The following ENTREP2 variants were observed in gnomAD, a reference collection of about 807,000 sequenced individuals.
ENTREP2 encodes protein ENTREP2.
the ENTREP2 span, among the ~76,000 whole-genome samples, chr15:29,574,821 T>C: frequency 6.6e-6 from 1 of 152,194 alleles, no homozygotes; most frequent in South Asian, 2.1e-4. Flanking sequence ...AGAGTTGTGC[T>C]TGGATCTCAC....
chr15:29,466,882 A>G, the ENTREP2 span, among the ~76,000 whole-genome samples: 1,366 of 66,730 alleles, frequency 0.02, 75 homozygotes, highest in African/African-American at 0.061. Flanking sequence ...GCCCCCAGGG[A>G]AGGGCCCAGG....
the ENTREP2 span, among the ~76,000 whole-genome samples, chr15:29,173,200 C>T: frequency 2.0e-5 from 3 of 152,248 alleles, no homozygotes; most frequent in Middle Eastern, 3.4e-3. Flanking sequence ...CAGGAATGGG[C>T]GGGGCAGGGT....
the ENTREP2 span, among the ~76,000 whole-genome samples, chr15:29,525,110 G>A: frequency 6.6e-6 from 1 of 152,334 alleles, no homozygotes; most frequent in Non-Finnish European, 1.5e-5. Context: ...CTAGGCTTAG[G>A]AATTCTTAGT....
chr15:29,356,945 G>A, the ENTREP2 span, among the ~76,000 whole-genome samples: 3 of 152,156 alleles, frequency 2.0e-5, no homozygotes, highest in East Asian at 5.8e-4. Context: ...GGAGGGAAGA[G>A]AAAGCTGGGG....
At chr15:29,362,920 T>C in the ENTREP2 span, among the ~76,000 whole-genome samples, 5 of 152,340 alleles carry the variant, frequency 3.3e-5, no homozygotes, top group African/African-American at 9.6e-5. Context: ...CAGTCTCGTT[T>C]TTCTGGTTAG....
chr15:29,136,588 G>C, the ENTREP2 span: 1 of 1,425,330 alleles, frequency 7.0e-7, no homozygotes, highest in Non-Finnish European at 9.3e-7. Flanking sequence ...AGCAGGGGCG[G>C]CCAGGGCTTC....
chr15:29,562,793 TTTTG>T, the ENTREP2 span, among the ~76,000 whole-genome samples: 4 of 32,942 alleles, frequency 1.2e-4, no homozygotes, highest in African/African-American at 3.2e-4. Context: ...TTGTATTTGT[TTTTG>T]TTTTTGTTTT....
the ENTREP2 span, among the ~76,000 whole-genome samples, chr15:29,558,847 T>C: frequency 1.3e-5 from 2 of 151,034 alleles, no homozygotes; most frequent in African/African-American, 4.9e-5. Context: ...AAATACATTT[T>C]CTCTTCCCTA....
chr15:29,121,739 T>C, the ENTREP2 span: 2 of 152,270 alleles, frequency 1.3e-5, no homozygotes, highest in East Asian at 1.9e-4. Context: ...GCCTGGCTTA[T>C]GTGTTTTCAG....
chr15:29,253,412 C>T, the ENTREP2 span, among the ~76,000 whole-genome samples: 3,563 of 151,672 alleles, frequency 0.023, 60 homozygotes, highest in Non-Finnish European at 0.033. Context: ...AGAGGTTTGG[C>T]CAAATTCAGA....
At chr15:29,509,545 C>G in the ENTREP2 span, among the ~76,000 whole-genome samples, 194 of 152,026 alleles carry the variant, frequency 1.3e-3, no homozygotes, top group Non-Finnish European at 2.1e-3. Context: ...GGTACTGGTA[C>G]CAAAACAGAC....
the ENTREP2 span, among the ~76,000 whole-genome samples, chr15:29,357,699 C>T: frequency 1.3e-5 from 2 of 151,912 alleles, no homozygotes; most frequent in Admixed American, 6.6e-5. Flanking sequence ...ATTAGCCGGG[C>T]GTGGTGGCGG....
the ENTREP2 span, among the ~76,000 whole-genome samples, chr15:29,642,354 A>T: frequency 6.6e-6 from 1 of 151,724 alleles, no homozygotes; most frequent in African/African-American, 2.4e-5. Context: ...TATTCAACTG[A>T]TTTTCATTAA....
chr15:29,640,569 G>A, the ENTREP2 span, among the ~76,000 whole-genome samples: 1 of 152,024 alleles, frequency 6.6e-6, no homozygotes, highest in Non-Finnish European at 1.5e-5. Context: ...AGATGGAGGT[G>A]GAAAGATTGC....
the ENTREP2 span, among the ~76,000 whole-genome samples, chr15:29,356,297 T>TATATATATATATATATATA: frequency 2.7e-5 from 1 of 37,462 alleles, no homozygotes; most frequent in African/African-American, 8.9e-5. Flanking sequence ...TATATATATA[T>TATATATATATATATATATA]TTTTTTTTTT....
At chr15:29,557,979 T>C in the ENTREP2 span, among the ~76,000 whole-genome samples, 1 of 152,216 alleles carries the variant, frequency 6.6e-6, no homozygotes, top group Non-Finnish European at 1.5e-5. Context: ...CAGTGCAATA[T>C]GGTTTGGAAA....
At chr15:29,574,637 C>G in the ENTREP2 span, among the ~76,000 whole-genome samples, 1 of 152,180 alleles carries the variant, frequency 6.6e-6, no homozygotes, top group Non-Finnish European at 1.5e-5. Context: ...GGCTGAGCTT[C>G]TTGCTGAAAG....
At chr15:29,246,873 G>A in the ENTREP2 span, among the ~76,000 whole-genome samples, 5 of 95,402 alleles carry the variant, frequency 5.2e-5, no homozygotes, top group African/African-American at 1.9e-4. Flanking sequence ...ATGTGAAAAT[G>A]TCCCAGGCTA....
At chr15:29,634,356 C>T in the ENTREP2 span, among the ~76,000 whole-genome samples, 1 of 152,182 alleles carries the variant, frequency 6.6e-6, no homozygotes, top group Non-Finnish European at 1.5e-5. Context: ...CCCAGCAGAG[C>T]TTGGATATAG....
Sources: allele counts gnomAD v4.1 joint callset (sites outside exome capture counted in the v4.1 genomes callset), GRCh38; gene constraint gnomAD v4.1.1; transcripts MANE v1.5; gene names NCBI Gene and HGNC (gene_info 2026-07-23, HGNC 2026-07-21).